CAMKV: variants seen among roughly 807,000 people sequenced by gnomAD.
CAMKV encodes CaM kinase like vesicle associated.
A neutral mutation model predicts 50.2 loss-of-function variants in CAMKV; 5 were observed. That is an observed-to-expected ratio of 0.10 (90% CI 0.05 to 0.21). CAMKV has a LOEUF of 0.21. Among genes scored for constraint, CAMKV ranks in the 10% least tolerant of loss-of-function variants. The pLI, the probability that CAMKV is intolerant of heterozygous loss-of-function variation, is 1.00. For missense variants in CAMKV, 361 were observed against 650.5 expected, an observed-to-expected ratio of 0.55 and a Z score of 4.84; for synonymous variants, 229 against 250.1, an observed-to-expected ratio of 0.92 and a Z score of 0.80.
intron 1 of CAMKV, among the ~76,000 whole-genome samples, chr3:49,868,885 G>A (rs2082085120): frequency 6.6e-6 from 1 of 152,212 alleles, no homozygotes; most frequent in Non-Finnish European, 1.5e-5. Context: ...ACCTGGTGGA[G>A]CAGGATCTGC....
At chr3:49,865,233 T>C (rs1419003053) in intron 1 of CAMKV, among the ~76,000 whole-genome samples, 3 of 152,100 alleles carry the variant, frequency 2.0e-5, no homozygotes, top group Non-Finnish European at 2.9e-5. Context: ...CAGAATCCCA[T>C]CCTCACAGCT....
chr3:49,864,974 G>A (rs2082052835), intron 1 of CAMKV, among the ~76,000 whole-genome samples: 1 of 152,236 alleles, frequency 6.6e-6, no homozygotes. Context: ...ATTCCCAGGA[G>A]TCACAGCCCT....
Position 49,861,952 on chromosome 3 carries a change from T to C in CAMKV, c.228-87A>G, listed in dbSNP as rs2082025365. On this transcript the variant is annotated intron_variant, in intron 3 of 10. Transcript: ENST00000477224. This position sits in a 1 kb window ranked among gnomAD's most constrained non-coding sequence, Gnocchi z 7.7. ...CACCACAGTGGCCACAGCAGACTAA[T>C]TGGCCAGAGGCTGGGACTGCCTGAG... 9 of 1,607,208 alleles carry C rather than the reference T, an allele frequency of 5.6e-6. 1 individual carries two copies. Among genetic ancestry groups the C allele is most frequent in the Middle Eastern group, 1.7e-4 (1 of 6,042 alleles).
chr3:49,869,155 C>T lies in CAMKV; in HGVS notation c.-15+603G>A, dbSNP rs2082087075. Among the ~76,000 whole-genome samples, 1 of 152,224 alleles carries T rather than the reference C, an allele frequency of 6.6e-6. No homozygotes were observed. Among genetic ancestry groups the T allele is most frequent in the Admixed American group, 6.5e-5 (1 of 15,292 alleles). ...CACGTGTGAGCACCAAGCCCCGCAC[C>T]TCCCAGCAGGAACATGTGCGCCCCC... On this transcript the variant is annotated intron_variant, in intron 1 of 10. Transcript: ENST00000477224. This position sits in a 1 kb window ranked among gnomAD's most constrained non-coding sequence, Gnocchi z 5.2.
At position 49,859,196 on chromosome 3, in the gene CAMKV, G is replaced by A. The variant is rs2081999675; in HGVS notation, c.*122C>T. The A allele has an allele frequency of 1.4e-5, 12 of 882,184 alleles. No homozygotes were observed. Among genetic ancestry groups the A allele is most frequent in the Non-Finnish European group, 1.9e-5 (11 of 579,866 alleles). 54.6% of individuals were successfully genotyped at this position (882,184 alleles called of 1,614,324 possible). On this transcript the variant is annotated 3_prime_UTR_variant, in exon 11 of 11. Transcript: ENST00000477224. The surrounding 1 kb of genome is among the most constrained non-coding windows in gnomAD (Gnocchi z 5.5). ...CCGTGACCCCTAGTTATGCCCCACT[G>A]GGATGTGGGGGCATGGGGGAGCGAG... is the stretch of plus-strand genomic sequence containing the variant.
chr3:49,864,106 C>T lies in CAMKV; in HGVS notation c.-14-1704G>A, dbSNP rs146168928. On this transcript the variant is annotated intron_variant, in intron 1 of 10. Coordinates refer to ENST00000477224, the MANE Select transcript of CAMKV (RefSeq NM_024046.5). Reference sequence around the variant, plus strand: ...ATCTTTTGTTTACTAATTTTCTGTGCGAATTTTTACTATTTTACTATAATG... The same window carrying T: ...ATCTTTTGTTTACTAATTTTCTGTGTGAATTTTTACTATTTTACTATAATG... Among the ~76,000 whole-genome samples, 11 of 152,224 alleles carry T rather than the reference C, an allele frequency of 7.2e-5. No homozygotes were observed. The East Asian group carries it at 1.5e-3, about 21-fold the overall frequency.
chr3:49,864,058 T>G (rs575103334), intron 1 of CAMKV, among the ~76,000 whole-genome samples: 1 of 152,304 alleles, frequency 6.6e-6, no homozygotes, highest in Non-Finnish European at 1.5e-5. Flanking sequence ...GGGCAAAGAA[T>G]TGGATGTCAA....
chr3:49,861,713 G>T lies in CAMKV; in HGVS notation c.302+78C>A, dbSNP rs2082023082. ...GGGACGCCAAGGGTCCAGAAAGGGG[G>T]TTTCCTTAGCTGCAGAGGGTGGGAC... On this transcript the variant is annotated intron_variant, in intron 4 of 10. Transcript: ENST00000477224. This position sits in a 1 kb window ranked among gnomAD's most constrained non-coding sequence, Gnocchi z 7.7. 6.3e-7 allele frequency: 1 copy of T among 1,596,440 alleles called. No homozygotes were observed. Among genetic ancestry groups the T allele is most frequent in the African/African-American group, 1.3e-5 (1 of 74,466 alleles).
Position 49,860,676 on chromosome 3 carries a change from C to A in CAMKV, c.775+40G>T. On this transcript the variant is annotated intron_variant, in intron 8 of 10. Coordinates refer to ENST00000477224, the MANE Select transcript of CAMKV (RefSeq NM_024046.5). The surrounding 1 kb of genome is among the most constrained non-coding windows in gnomAD (Gnocchi z 6.1). Reference sequence around the variant, plus strand: ...ATGAGAGCAGGACACCCTCCCCACTCCCTTGCGTTCTACCAAGTGCTGGGC... The same window carrying A: ...ATGAGAGCAGGACACCCTCCCCACTACCTTGCGTTCTACCAAGTGCTGGGC... 1 of 1,613,272 alleles carries A rather than the reference C, an allele frequency of 6.2e-7. No individual in the cohort carries two copies. The highest frequency in any genetic ancestry group is 8.5e-7 in the Non-Finnish European group (1 of 1,179,396).
At position 49,859,372 on chromosome 3, in the gene CAMKV, T is replaced by G; in HGVS notation, c.1452A>C (p.Lys484Asn). 3 of 1,567,076 alleles carry G rather than the reference T, an allele frequency of 1.9e-6. No individual in the cohort carries two copies. Among genetic ancestry groups the G allele is most frequent in the Non-Finnish European group, 2.6e-6 (3 of 1,154,024 alleles). The change falls in exon 11 of 11, where the codon AAA (lysine) becomes AAC (asparagine). Residue 484 changes from lysine to asparagine, a missense_variant. Lys to Asn is a moderately conservative substitution (Grantham distance 94, BLOSUM62 0). Coordinates refer to ENST00000477224, the MANE Select transcript of CAMKV (RefSeq NM_024046.5). This position sits in a 1 kb window ranked among gnomAD's most constrained non-coding sequence, Gnocchi z 5.5. ...GATGQAPPSS[K>N]GEEAAGYAQE... ...GGGCATAACCAGCAGCCTCTTCCCC[T>G]TTACTAGAGGGTGGAGCCTGGCCTG...
In CAMKV at chr3:49,860,921, G is replaced by T. The variant is rs201066068; in HGVS notation, c.638+22C>A. ...CCCCACCCCATCTGACTGCAAGCCT[G>T]CTTGTCCATCTGTCCACTCACAGGA... On this transcript the variant is annotated intron_variant, in intron 7 of 10. Coordinates refer to ENST00000477224, the MANE Select transcript of CAMKV (RefSeq NM_024046.5). The surrounding 1 kb of genome is among the most constrained non-coding windows in gnomAD (Gnocchi z 6.1). 2.5e-6 allele frequency: 4 copies of T among 1,613,922 alleles called. No individual in the cohort carries two copies. The East Asian group carries it at 8.9e-5, about 36-fold the overall frequency.
intron 1 of CAMKV, among the ~76,000 whole-genome samples, chr3:49,864,782 A>G (rs192560832): frequency 2.6e-5 from 4 of 152,302 alleles, no homozygotes; most frequent in Admixed American, 2.6e-4. Flanking sequence ...GGGTACCTAG[A>G]TGCTCCCCGA....
chr3:49,865,995 C>T (rs2082062115), intron 1 of CAMKV, among the ~76,000 whole-genome samples: 1 of 152,216 alleles, frequency 6.6e-6, no homozygotes, highest in African/African-American at 2.4e-5. Flanking sequence ...GGGCCTCCAC[C>T]CCGTAATGTC....
chr3:49,867,473 C>T (rs2082074236), intron 1 of CAMKV, among the ~76,000 whole-genome samples: 1 of 152,206 alleles, frequency 6.6e-6, no homozygotes, highest in African/African-American at 2.4e-5. Context: ...CTGTCTCCTC[C>T]CAAGCACTTG....
Position 49,859,494 on chromosome 3 carries a change from G to GCACAGTGCTCAA in CAMKV, c.1329_1330insTTGAGCACTGTG (p.Val443_Pro444insLeuSerThrVal). ...AGCATGGCACTGCTTTGGGTGGTGG[G>GCACAGTGCTCAA]CACAGTGCTCTCTTCTGTGGCTGGT... On this transcript the variant is annotated inframe_insertion, in exon 11 of 11. Coordinates refer to ENST00000477224, the MANE Select transcript of CAMKV (RefSeq NM_024046.5). The surrounding 1 kb of genome is among the most constrained non-coding windows in gnomAD (Gnocchi z 5.5). 1.2e-6 allele frequency: 2 copies of GCACAGTGCTCAA among 1,614,212 alleles called. No homozygotes were observed. The highest frequency in any genetic ancestry group is 1.7e-6 in the Non-Finnish European group (2 of 1,180,014).
At chr3:49,866,777 G>A (rs2082068525) in intron 1 of CAMKV, among the ~76,000 whole-genome samples, 1 of 152,248 alleles carries the variant, frequency 6.6e-6, no homozygotes, top group Admixed American at 6.5e-5. Context: ...GGACTCTGCT[G>A]CATCTTTAGG....
rs2082093954 is a variant in CAMKV at position 49,869,801 on chromosome 3, AGC to A, written c.-60_-59del. The A allele has an allele frequency of 6.6e-6, 1 of 152,160 alleles. No individual in the cohort carries two copies. Among genetic ancestry groups the A allele is most frequent in the Non-Finnish European group, 1.5e-5 (1 of 68,026 alleles). 9.4% of individuals were successfully genotyped at this position (152,160 alleles called of 1,614,324 possible). On this transcript the variant is annotated 5_prime_UTR_variant, in exon 1 of 11. Coordinates refer to ENST00000477224, the MANE Select transcript of CAMKV (RefSeq NM_024046.5). The surrounding 1 kb of genome is among the most constrained non-coding windows in gnomAD (Gnocchi z 5.2). ...ACAGGGAGGAAGTGATCGCGGGCTCAGCGGGGCGCCGAGGGCTCCGGGGACGG... is the reference window on the plus strand; with the variant it reads ...ACAGGGAGGAAGTGATCGCGGGCTCAGGGGCGCCGAGGGCTCCGGGGACGG...
Position 49,860,605 on chromosome 3 carries a change from G to T in CAMKV, c.776-56C>A, listed in dbSNP as rs1204774361. On this transcript the variant is annotated intron_variant, in intron 8 of 10. Coordinates refer to ENST00000477224, the MANE Select transcript of CAMKV (RefSeq NM_024046.5). The surrounding 1 kb of genome is among the most constrained non-coding windows in gnomAD (Gnocchi z 6.1). ...TGGGCACCCCATCTCAATGTCTAGAGGTGATAAATGGGCTGGGGGACAGAA... is the reference window on the plus strand; with the variant it reads ...TGGGCACCCCATCTCAATGTCTAGATGTGATAAATGGGCTGGGGGACAGAA... The T allele has an allele frequency of 6.2e-7, 1 of 1,610,340 alleles. No individual in the cohort carries two copies. The highest frequency in any genetic ancestry group is 1.3e-5 in the African/African-American group (1 of 74,850).
At chr3:49,865,656 C>T (rs1267985201) in intron 1 of CAMKV, among the ~76,000 whole-genome samples, 1 of 152,182 alleles carries the variant, frequency 6.6e-6, no homozygotes, top group Non-Finnish European at 1.5e-5. Flanking sequence ...GCCACATGAG[C>T]GAGGTGCTGA....
Sources: gnomAD v4.1 joint callset for allele counts (sites outside exome capture counted in the v4.1 genomes callset) on GRCh38, gnomAD v4.1.1 for gene constraint, Gnocchi (gnomAD v3.1) non-coding constraint, MANE v1.5 for transcripts, NCBI Gene and HGNC (gene_info 2026-07-23, HGNC 2026-07-21) for gene names.